Variants in AFG1L observed in about 807,000 individuals in gnomAD.
The protein encoded by AFG1L is AFG1 like ATPase, also known as AFG1-like ATPase.
A neutral mutation model predicts 62.2 loss-of-function variants in AFG1L; 53 were observed. The ratio of observed to expected loss-of-function variants is 0.85; its 90% CI spans 0.68 to 1.07. The LOEUF (loss-of-function observed/expected upper bound fraction) is 1.07, where lower values mean the gene tolerates loss of function less well. AFG1L is among the 50% of genes least tolerant of loss of function. The pLI, the probability that AFG1L is intolerant of heterozygous loss-of-function variation, is 0.00. For synonymous variants in AFG1L, 228 were observed against 210.3 expected (o/e 1.08, Z -0.73); for missense variants, 555 against 590.5 (o/e 0.94, Z 0.62).
At chr6:108,397,488 C>T (rs1781372703) in intron 6 of AFG1L, among the ~76,000 whole-genome samples, 1 of 152,108 alleles carries the variant, frequency 6.6e-6, no homozygotes, top group South Asian at 2.1e-4. Context: ...AACTCTTGAC[C>T]TCAAGTGATC....
intron 10 of AFG1L, among the ~76,000 whole-genome samples, chr6:108,479,501 T>A (rs770287076): frequency 6.6e-6 from 1 of 152,182 alleles, no homozygotes; most frequent in Non-Finnish European, 1.5e-5. Context: ...TAGGTCGCAG[T>A]GTTAAGCTAT....
At chr6:108,486,401 T>C (rs765734358) in intron 10 of AFG1L, among the ~76,000 whole-genome samples, 14 of 152,202 alleles carry the variant, frequency 9.2e-5, no homozygotes, top group Non-Finnish European at 1.9e-4. Flanking sequence ...CCAATTAGAA[T>C]ATTTAATAAG....
rs566511385 is a variant in AFG1L, at chr6:108,344,104, A to AGTTT, written c.364-2863_364-2860dup. Reference sequence around the variant, plus strand: ...TAGTGAGACCCCATCTCTACAGGATAGTTTGTTTGTTTGTTTGTTTGTTTT... The same window carrying AGTTT: ...TAGTGAGACCCCATCTCTACAGGATAGTTTGTTTGTTTGTTTGTTTGTTTGTTTT... On this transcript the variant is annotated intron_variant, in intron 2 of 12. Coordinates refer to ENST00000368977, the MANE Select transcript of AFG1L (RefSeq NM_145315.5). Among the ~76,000 whole-genome samples the AGTTT allele has an allele frequency of 1.8e-4, 28 of 152,108 alleles. No individual in the cohort carries two copies. The East Asian group carries it at 2.5e-3, about 14-fold the overall frequency.
At chr6:108,429,133 A>G (rs1755809995) in intron 7 of AFG1L, among the ~76,000 whole-genome samples, 1 of 152,132 alleles carries the variant, frequency 6.6e-6, no homozygotes, top group African/African-American at 2.4e-5. Flanking sequence ...ACCTGTAGCT[A>G]TCCAGTTTTC....
chr6:108,447,190 G>T lies in AFG1L; in HGVS notation c.808-24G>T, dbSNP rs772920100. ...TCTGAGCCACTACTTGTTTAAAAAG[G>T]CACTTCATTTGTTTGGATTGTAGGA... On this transcript the variant is annotated intron_variant, in intron 7 of 12. Coordinates refer to ENST00000368977, the MANE Select transcript of AFG1L (RefSeq NM_145315.5). 1.1e-5 allele frequency: 14 copies of T among 1,253,294 alleles called. No individual in the cohort carries two copies. In the East Asian group the frequency reaches 1.2e-4, roughly 10 times the overall value. 77.6% of individuals were successfully genotyped at this position (1,253,294 alleles called of 1,614,324 possible). A position where few individuals can be genotyped will look rare whatever the true frequency, so the allele number is the denominator to read the frequency against.
chr6:108,486,799 G>T (rs577765555), intron 10 of AFG1L, among the ~76,000 whole-genome samples: 19 of 152,148 alleles, frequency 1.2e-4, no homozygotes, highest in South Asian at 2.1e-4. Context: ...CCGCCTCCCA[G>T]ATTCAAGCAA....
At chr6:108,460,987 A>G (rs1376125201) in intron 8 of AFG1L, among the ~76,000 whole-genome samples, 5 of 152,224 alleles carry the variant, frequency 3.3e-5, no homozygotes, top group African/African-American at 1.2e-4. Context: ...CAACAATGAC[A>G]ACAACAAAAA....
intron 2 of AFG1L, among the ~76,000 whole-genome samples, chr6:108,340,789 T>C (rs1461363133): frequency 6.6e-6 from 1 of 152,136 alleles, no homozygotes; most frequent in Non-Finnish European, 1.5e-5. Flanking sequence ...TCGTTTTCCT[T>C]TGTAACAGGA....
Position 108,330,772 on chromosome 6 carries a change from G to A in AFG1L, c.363+6724G>A, listed in dbSNP as rs140490630. Among the ~76,000 whole-genome samples, 582 of 152,148 alleles carry A rather than the reference G, an allele frequency of 3.8e-3. 6 individuals carry two copies. Among genetic ancestry groups the A allele is most frequent in the African/African-American group, 0.013 (549 of 41,512 alleles). The stretch of plus-strand genomic sequence containing the variant: ...TAAGCAGTACTGACTGCCCATTTTC[G>A]TGAACTTTAAATAACAAATACTATT... On this transcript the variant is annotated intron_variant, in intron 2 of 12. Coordinates refer to ENST00000368977, the MANE Select transcript of AFG1L (RefSeq NM_145315.5).
intron 6 of AFG1L, among the ~76,000 whole-genome samples, chr6:108,395,513 C>CA (rs1301843533): frequency 1.3e-5 from 2 of 150,334 alleles, no homozygotes. Flanking sequence ...GTGAGCCTCC[C>CA]ACCTCATCTT....
chr6:108,463,421 T>C (rs1463503945), intron 8 of AFG1L, among the ~76,000 whole-genome samples: 1 of 151,842 alleles, frequency 6.6e-6, no homozygotes, highest in African/African-American at 2.4e-5. Flanking sequence ...TTTTTTTTTT[T>C]TTTGAAATCT....
At chr6:108,444,211 A>T (rs770889261) in intron 7 of AFG1L, among the ~76,000 whole-genome samples, 1 of 152,226 alleles carries the variant, frequency 6.6e-6, no homozygotes, top group African/African-American at 2.4e-5. Context: ...TTCTCAGTGC[A>T]TATAAAGGTT....
chr6:108,461,309 G>T lies in AFG1L; in HGVS notation c.890+14013G>T, dbSNP rs115475399. On this transcript the variant is annotated intron_variant, in intron 8 of 12. Transcript: ENST00000368977. Reference sequence around the variant, plus strand: ...GTTGGTTCTCAAAAGTAGATGCACGGTAGTATCTTTGTCATAAGAACTCCT... The same window carrying T: ...GTTGGTTCTCAAAAGTAGATGCACGTTAGTATCTTTGTCATAAGAACTCCT... Among the ~76,000 whole-genome samples, 980 of 152,308 alleles carry T rather than the reference G, an allele frequency of 6.4e-3. 5 individuals are homozygous for T. Among genetic ancestry groups the T allele is most frequent in the African/African-American group, 0.019 (806 of 41,574 alleles).
chr6:108,461,175 G>A (rs1385637856), intron 8 of AFG1L, among the ~76,000 whole-genome samples: 1 of 152,116 alleles, frequency 6.6e-6, no homozygotes, highest in Non-Finnish European at 1.5e-5. Flanking sequence ...TCAAATCAAA[G>A]CATTGTGTGT....
chr6:108,497,114 A>G (rs1324783777), intron 10 of AFG1L, among the ~76,000 whole-genome samples: 2 of 152,164 alleles, frequency 1.3e-5, no homozygotes, highest in Admixed American at 1.3e-4. Context: ...AAGTGAAATG[A>G]TGGGTGTAAG....
chr6:108,506,288 A>G (rs1187028975), intron 10 of AFG1L, among the ~76,000 whole-genome samples: 1 of 152,132 alleles, frequency 6.6e-6, no homozygotes, highest in East Asian at 1.9e-4. Context: ...GCTCACTGCA[A>G]ACTCAGACTC....
intron 3 of AFG1L, among the ~76,000 whole-genome samples, chr6:108,351,706 G>A (rs535546359): frequency 1.6e-4 from 25 of 152,200 alleles, no homozygotes; most frequent in Admixed American, 4.6e-4. Context: ...TTTAAAAAAT[G>A]TATTCAATTG....
intron 4 of AFG1L, among the ~76,000 whole-genome samples, chr6:108,356,075 C>A (rs1285718280): frequency 6.6e-6 from 1 of 152,186 alleles, no homozygotes. Context: ...AGGCCCTTTA[C>A]TCTGTGTTAC....
rs761291392 is a variant in AFG1L at position 108,401,996 on chromosome 6, A to T, written c.749A>T (p.Asp250Val). Residue 250 changes from aspartate (D) to valine (V), a missense_variant and splice_region_variant, in exon 7 of 13, where the codon GAT becomes GTT. Transcript: ENST00000368977. ...VVATSNRPPE[D>V]LYKNGLQRAN... is the part of the protein sequence containing the mutation. ...AACTAATATCATTTTTTTCTTTCAG[A>T]TCTCTATAAAAATGGACTCCAAAGA... 3.5e-6 allele frequency: 5 copies of T among 1,427,618 alleles called. No homozygotes were observed. Among genetic ancestry groups the T allele is most frequent in the Non-Finnish European group, 4.8e-6 (5 of 1,045,396 alleles). 88.4% of individuals were successfully genotyped at this position (1,427,618 alleles called of 1,614,324 possible). A position where few individuals can be genotyped will look rare whatever the true frequency, so the allele number is the denominator to read the frequency against.
Sources: gnomAD v4.1 joint callset for allele counts (sites outside exome capture counted in the v4.1 genomes callset) on GRCh38, gnomAD v4.1.1 for gene constraint, MANE v1.5 for transcripts, NCBI Gene and HGNC (gene_info 2026-07-23, HGNC 2026-07-21) for gene names.